RYR2: variants seen among roughly 807,000 people sequenced by gnomAD.
The protein encoded by RYR2 is cardiac muscle ryanodine receptor-calcium release channel.
Under a neutral mutation model 601.1 loss-of-function variants are expected in RYR2, and 227 were observed. The observed-to-expected ratio is 0.38, with a 90% confidence interval of 0.34 to 0.42. The LOEUF is 0.42. RYR2 is among the 10% of genes least tolerant of loss of function. The pLI is 1.00. For synonymous variants in RYR2, 2,223 were observed against 2,175.1 expected, an observed-to-expected ratio of 1.02 and a Z score of -0.61; for missense variants, 4,646 against 6,156.5, an observed-to-expected ratio of 0.75 and a Z score of 8.21.
chr1:237,284,706 AC>A (rs572359002), intron 2 of RYR2, among the ~76,000 whole-genome samples: 4 of 148,372 alleles, frequency 2.7e-5, no homozygotes, highest in Non-Finnish European at 6.0e-5. Context: ...ACCCATAAAC[AC>A]CCCCCCACAC....
intron 100 of RYR2, among the ~76,000 whole-genome samples, chr1:237,810,142 C>T (rs896149862): frequency 6.6e-6 from 1 of 151,800 alleles, no homozygotes; most frequent in Non-Finnish European, 1.5e-5. Flanking sequence ...AACTCAGGAT[C>T]TATGAAAGCA....
At chr1:237,688,206 C>T (rs1444088804) in intron 63 of RYR2, among the ~76,000 whole-genome samples, 1 of 152,174 alleles carries the variant, frequency 6.6e-6, no homozygotes, top group African/African-American at 2.4e-5. Flanking sequence ...TTTCCTGCAT[C>T]CGATTTTATA....
chr1:237,401,680 T>C (rs1009575680), intron 10 of RYR2, among the ~76,000 whole-genome samples: 1 of 152,198 alleles, frequency 6.6e-6, no homozygotes, highest in Non-Finnish European at 1.5e-5. Flanking sequence ...AGTGCAGTTT[T>C]ATTATGTAAG....
intron 2 of RYR2, among the ~76,000 whole-genome samples, chr1:237,324,260 T>C (rs1416677625): frequency 6.6e-6 from 1 of 152,224 alleles, no homozygotes; most frequent in Non-Finnish European, 1.5e-5. Flanking sequence ...ATTCCCCATC[T>C]GGTAAGTGAC....
At chr1:237,481,882 G>C (rs2150366789) in intron 17 of RYR2, among the ~76,000 whole-genome samples, 1 of 144,600 alleles carries the variant, frequency 6.9e-6, no homozygotes, top group Non-Finnish European at 1.5e-5. Flanking sequence ...GAACTAGCTA[G>C]ACCATGTCTT....
rs1444402677 is a variant in RYR2 at position 237,368,410 on chromosome 1, A to G, written c.310-1124A>G. The stretch of plus-strand genomic sequence containing the variant: ...ATGTTGTATTCCGAGATGGGGCAGC[A>G]TGAAAGCAGTATGGCATATTCAGGG... On this transcript the variant is annotated intron_variant, in intron 5 of 104. Transcript: ENST00000366574. Among the ~76,000 whole-genome samples the G allele has an allele frequency of 4.6e-5, 7 of 152,288 alleles. No individual in the cohort carries two copies. The East Asian group carries it at 1.4e-3, about 29-fold the overall frequency.
intron 80 of RYR2, among the ~76,000 whole-genome samples, chr1:237,751,296 C>T (rs986825577): frequency 2.6e-5 from 4 of 152,124 alleles, no homozygotes; most frequent in Admixed American, 6.5e-5. Context: ...GGTAAATGAC[C>T]GCTGTTTTAA....
chr1:237,101,241 T>C (rs1390131602), intron 1 of RYR2, among the ~76,000 whole-genome samples: 3 of 146,796 alleles, frequency 2.0e-5, no homozygotes, highest in African/African-American at 7.6e-5. Flanking sequence ...CTTAGGCTCA[T>C]CCTTGGATGC....
intron 62 of RYR2, among the ~76,000 whole-genome samples, chr1:237,683,345 G>A (rs1246718866): frequency 2.0e-5 from 3 of 152,166 alleles, no homozygotes; most frequent in Non-Finnish European, 2.9e-5. Context: ...TTGCTGTATC[G>A]AAGGTCAGTA....
intron 17 of RYR2, among the ~76,000 whole-genome samples, chr1:237,478,575 G>T (rs915907156): frequency 6.6e-6 from 1 of 152,168 alleles, no homozygotes; most frequent in African/African-American, 2.4e-5. Flanking sequence ...ATTTCAGATG[G>T]AAACGCATAA....
At chr1:237,647,378 C>T (rs1241935708) in intron 48 of RYR2, among the ~76,000 whole-genome samples, 4 of 151,998 alleles carry the variant, frequency 2.6e-5, no homozygotes, top group South Asian at 4.2e-4. Context: ...GTGCAGTACC[C>T]GACAACAGCA....
intron 2 of RYR2, among the ~76,000 whole-genome samples, chr1:237,305,552 C>T (rs1472345446): frequency 6.6e-6 from 1 of 152,190 alleles, no homozygotes; most frequent in Non-Finnish European, 1.5e-5. Context: ...CCATCTCAAC[C>T]TCCCAAGTAT....
chr1:237,093,376 T>C (rs908027216), intron 1 of RYR2, among the ~76,000 whole-genome samples: 2 of 151,914 alleles, frequency 1.3e-5, no homozygotes, highest in African/African-American at 4.8e-5. Context: ...AGAATAGAAA[T>C]AGAGGGCAGA....
At chr1:237,685,013 T>C (rs776666897) in intron 62 of RYR2, among the ~76,000 whole-genome samples, 5 of 151,946 alleles carry the variant, frequency 3.3e-5, no homozygotes, top group Non-Finnish European at 5.9e-5. Flanking sequence ...CCAAGTACTG[T>C]TGACAGAACT....
intron 1 of RYR2, among the ~76,000 whole-genome samples, chr1:237,219,593 T>C (rs2149131978): frequency 6.6e-6 from 1 of 152,276 alleles, no homozygotes; most frequent in East Asian, 1.9e-4. Context: ...TAGCTTCCCT[T>C]GGGGCACGTG....
chr1:237,094,477 G>C (rs6428995), intron 1 of RYR2, among the ~76,000 whole-genome samples: 75,122 of 151,484 alleles, frequency 0.5, 18,840 homozygotes, highest in East Asian at 0.67. Context: ...CTTTGAATGC[G>C]AACATGCTTA....
intron 63 of RYR2, among the ~76,000 whole-genome samples, chr1:237,696,774 C>T (rs554146488): frequency 1.3e-5 from 2 of 151,906 alleles, no homozygotes; most frequent in Non-Finnish European, 2.9e-5. Context: ...ACTGCTTTCC[C>T]GCTCACCTCA....
intron 1 of RYR2, among the ~76,000 whole-genome samples, chr1:237,267,245 G>A (rs760332356): frequency 1.3e-5 from 2 of 152,176 alleles, no homozygotes; most frequent in South Asian, 4.1e-4. Flanking sequence ...CTGGCTGGGC[G>A]CAGTGGCCCA....
chr1:237,339,191 G>C (rs1242080709), intron 3 of RYR2, among the ~76,000 whole-genome samples: 1 of 152,102 alleles, frequency 6.6e-6, no homozygotes, highest in Non-Finnish European at 1.5e-5. Flanking sequence ...TATAGCCAAA[G>C]AATGAACAGG....
Sources: allele counts gnomAD v4.1 joint callset (sites outside exome capture counted in the v4.1 genomes callset), GRCh38; gene constraint gnomAD v4.1.1; transcripts MANE v1.5; gene names NCBI Gene and HGNC (gene_info 2026-07-23, HGNC 2026-07-21).